Variants in PPL observed in about 807,000 individuals in gnomAD.
PPL encodes the protein 190 kDa paraneoplastic pemphigus antigen.
Under a neutral mutation model 194.4 loss-of-function variants are expected in PPL, and 198 were observed. The observed-to-expected ratio is 1.02, with a 90% CI of 0.91 to 1.15. The LOEUF (loss-of-function observed/expected upper bound fraction) is 1.15, where lower values mean the gene tolerates loss of function less well. PPL is among the 50% of genes most tolerant of loss of function. The pLI is 0.00. For missense variants in PPL, 2,885 were observed against 2,294.8 expected (o/e 1.26, Z -5.25); for synonymous variants, 1,220 against 972.4 (o/e 1.25, Z -4.74).
At chr16:4,914,051 T>C (rs1190786940) in intron 1 of PPL, among the ~76,000 whole-genome samples, 1 of 152,178 alleles carries the variant, frequency 6.6e-6, no homozygotes, top group African/African-American at 2.4e-5. Context: ...ACTGAAGGCT[T>C]CCTGGAGGAG....
At chr16:4,908,555 T>C (rs1262237204) in intron 2 of PPL, among the ~76,000 whole-genome samples, 3 of 152,124 alleles carry the variant, frequency 2.0e-5, no homozygotes, top group African/African-American at 7.2e-5. Context: ...ATTGATTGAT[T>C]GAGGCAGGGT....
At position 4,900,852 on chromosome 16, in the gene PPL, C is replaced by A; in HGVS notation, c.584G>T (p.Arg195Leu). The A allele has an allele frequency of 6.2e-7, 1 of 1,614,122 alleles. No individual in the cohort carries two copies. Among genetic ancestry groups the A allele is most frequent in the African/African-American group, 1.3e-5 (1 of 75,046 alleles). ...DGDKEQNSEL[R>L]AKYQKLLAAS... ...CACCAGCAGTTTCTGGTACTTGGCC[C>A]GGAGTTCGCTGTTCTGCTCCTGAGG... Residue 195 changes from arginine to leucine, a missense_variant, in exon 6 of 22, where the codon CGG (arginine) becomes CTG (leucine). Coordinates refer to ENST00000345988, the MANE Select transcript of PPL (RefSeq NM_002705.5).
At chr16:4,893,030 A>T (rs540033342) in intron 14 of PPL, 183 bp downstream of exon 14, 4 of 676,158 alleles carry the variant, frequency 5.9e-6, no homozygotes, top group Non-Finnish European at 9.1e-6. Flanking sequence ...TCTCCTGGGG[A>T]GGTAATGACA....
At chr16:4,887,621 C>G (rs2088239953) in intron 20 of PPL, among the ~76,000 whole-genome samples, 1 of 152,176 alleles carries the variant, frequency 6.6e-6, no homozygotes, top group Non-Finnish European at 1.5e-5. Flanking sequence ...ATTTTTATTT[C>G]TTAAAGACAG....
rs139182465 is a variant in PPL at position 4,891,832 on chromosome 16, G to A, written c.1947C>T (p.Asp649=). ...TCACCGCCAGCTCCTGCCCCTTGCT[G>A]TCCAGGACACGGCTGCTCTCAGGCA... ...DTVPESSRVL[D]SKGQELAAMA... is the part of the protein sequence containing the mutation. Residue 649 remains aspartate (D), a synonymous_variant, in exon 16 of 22, where the codon GAC becomes GAT. Coordinates refer to ENST00000345988, the MANE Select transcript of PPL (RefSeq NM_002705.5). The A allele has an allele frequency of 3.2e-5, 51 of 1,612,694 alleles. No individual in the cohort carries two copies. The highest frequency in any genetic ancestry group is 3.7e-5 in the Non-Finnish European group (44 of 1,179,696).
At chr16:4,935,554 T>C (rs1052639946) in intron 1 of PPL, among the ~76,000 whole-genome samples, 11 of 151,940 alleles carry the variant, frequency 7.2e-5, no homozygotes, top group African/African-American at 2.7e-4. Context: ...CCCTGCCCAG[T>C]CTCTGGGGTT....
intron 1 of PPL, among the ~76,000 whole-genome samples, chr16:4,928,795 G>A (rs1274949206): frequency 6.6e-6 from 1 of 152,110 alleles, no homozygotes; most frequent in Non-Finnish European, 1.5e-5. Context: ...TGGATCACCT[G>A]AGGTCAGGTG....
At chr16:4,910,754 C>T in intron 2 of PPL, 96 bp downstream of exon 2, 1 of 1,114,936 alleles carries the variant, frequency 9.0e-7, no homozygotes, top group Non-Finnish European at 1.4e-6. Context: ...CCACAATCAC[C>T]CCTGGGTGAG....
chr16:4,884,941 G>GTACT lies in PPL; in HGVS notation c.3710_3713dup (p.Tyr1238Ter). The GTACT allele has an allele frequency of 6.2e-7, 1 of 1,614,114 alleles. No homozygotes were observed. Among genetic ancestry groups the GTACT allele is most frequent in the Non-Finnish European group, 8.5e-7 (1 of 1,180,028 alleles). On this transcript the variant is annotated stop_gained and frameshift_variant, in exon 22 of 22. Coordinates refer to ENST00000345988, the MANE Select transcript of PPL (RefSeq NM_002705.5). LOFTEE classifies it high-confidence loss of function. This position sits in a 1 kb window ranked among gnomAD's most constrained non-coding sequence, Gnocchi z 5.7. Reference sequence around the variant, plus strand: ...CCTTCTCCATCTCAGGGTCAGTCTTGTACTTAATGACTTCCTTAGTCACCT... The same window carrying GTACT: ...CCTTCTCCATCTCAGGGTCAGTCTTGTACTTACTTAATGACTTCCTTAGTCACCT...
At chr16:4,909,369 C>T (rs1467677268) in intron 2 of PPL, among the ~76,000 whole-genome samples, 1 of 151,574 alleles carries the variant, frequency 6.6e-6, no homozygotes, top group Non-Finnish European at 1.5e-5. Context: ...GCCGGGTAGA[C>T]CTTGACCTCC....
chr16:4,934,913 C>T (rs1413672277), intron 1 of PPL, among the ~76,000 whole-genome samples: 1 of 152,156 alleles, frequency 6.6e-6, no homozygotes, highest in African/African-American at 2.4e-5. Context: ...TGGAGACCAC[C>T]CGGGGAGGCA....
intron 1 of PPL, among the ~76,000 whole-genome samples, chr16:4,923,228 T>C (rs913589658): frequency 6.6e-6 from 1 of 152,204 alleles, no homozygotes; most frequent in Non-Finnish European, 1.5e-5. Flanking sequence ...GGAACGCGTC[T>C]CCTGCGCATC....
chr16:4,895,568 A>G (rs1399473736), intron 10 of PPL, 26 bp downstream of exon 10: 2 of 1,613,504 alleles, frequency 1.2e-6, no homozygotes, highest in Admixed American at 3.3e-5. Context: ...CCCCCGGGCC[A>G]GCAGGGGTCC....
Position 4,884,539 on chromosome 16 carries a change from G to GGC in PPL, c.4114_4115dup (p.Glu1373ProfsTer35). 1 of 1,613,032 alleles carries GGC rather than the reference G, an allele frequency of 6.2e-7. No individual in the cohort carries two copies. Among genetic ancestry groups the GGC allele is most frequent in the Non-Finnish European group, 8.5e-7 (1 of 1,179,834 alleles). On this transcript the variant is annotated frameshift_variant, in exon 22 of 22. Coordinates refer to ENST00000345988, the MANE Select transcript of PPL (RefSeq NM_002705.5). LOFTEE classifies it high-confidence loss of function. This position sits in a 1 kb window ranked among gnomAD's most constrained non-coding sequence, Gnocchi z 5.7. ...GCCGCAGCTCCACATCGATGCTCTC[G>GGC]GCAAAGGCGCTCGCCTCGGCCCGCA...
rs749920822 is a variant in PPL at position 4,895,743 on chromosome 16, G to C, written c.973-27C>G. 6 of 1,613,468 alleles carry C rather than the reference G, an allele frequency of 3.7e-6. No homozygotes were observed. In the Admixed American group the frequency reaches 8.3e-5, roughly 22 times the overall value. On this transcript the variant is annotated intron_variant, in intron 9 of 21. Transcript: ENST00000345988. Reference sequence around the variant, plus strand: ...TAGGGGAGAAGGTGGCTCTGTTACAGCCAGGAAACCACTAGAAGCACCTGG... The same window carrying C: ...TAGGGGAGAAGGTGGCTCTGTTACACCCAGGAAACCACTAGAAGCACCTGG...
chr16:4,895,160 A>G, intron 11 of PPL, 101 bp downstream of exon 11: 2 of 1,382,840 alleles, frequency 1.4e-6, no homozygotes, highest in Non-Finnish European at 1.9e-6. Flanking sequence ...AACCACGGAG[A>G]CAGGCACAGG....
intron 14 of PPL, among the ~76,000 whole-genome samples, chr16:4,892,498 T>G (rs534806429): frequency 7.2e-5 from 11 of 152,254 alleles, no homozygotes; most frequent in Non-Finnish European, 1.3e-4. Context: ...GACGCTTCTG[T>G]TTAATCTTTG....
Position 4,937,121 on chromosome 16 carries a change from G to A in PPL, c.-76C>T, listed in dbSNP as rs1596597324. 2.3e-5 allele frequency: 23 copies of A among 1,014,004 alleles called. No individual in the cohort carries two copies. In the East Asian group the frequency reaches 1.6e-3, roughly 70 times the overall value. 62.8% of individuals were successfully genotyped at this position (1,014,004 alleles called of 1,614,324 possible). A position where few individuals can be genotyped will look rare whatever the true frequency, so the allele number is the denominator to read the frequency against. ...GAGGGGCGGGCGGGAGCGCAGGTGA[G>A]CGAGCGGCGGCGCGGGGAGCCCGGA... is the stretch of plus-strand genomic sequence containing the variant. On this transcript the variant is annotated 5_prime_UTR_variant, in exon 1 of 22. Transcript: ENST00000345988.
chr16:4,885,066 C>G lies in PPL; in HGVS notation c.3589G>C (p.Glu1197Gln), dbSNP rs376074218. 14 of 1,613,602 alleles carry G rather than the reference C, an allele frequency of 8.7e-6. No individual in the cohort carries two copies. Among genetic ancestry groups the G allele is most frequent in the Non-Finnish European group, 1.1e-5 (13 of 1,180,036 alleles). ...EVANLRLELVEQERKYRGAEE... is the reference protein window; with the variant it reads ...EVANLRLELVQQERKYRGAEE... ...GCACCCCGGTACTTTCGCTCCTGCT[C>G]CACAAGCTCCAGGCGGAGGTTCGCC... Residue 1197 changes from glutamate (E) to glutamine (Q), a missense_variant, in exon 22 of 22, where the codon GAG (glutamate) becomes CAG (glutamine). By Grantham distance (29) the Glu-to-Gln change is conservative (BLOSUM62 2). Coordinates refer to ENST00000345988, the MANE Select transcript of PPL (RefSeq NM_002705.5). The surrounding 1 kb of genome is among the most constrained non-coding windows in gnomAD (Gnocchi z 6.3).
Sources: allele counts gnomAD v4.1 joint callset (sites outside exome capture counted in the v4.1 genomes callset), GRCh38; gene constraint gnomAD v4.1.1; non-coding constraint Gnocchi (gnomAD v3.1); transcripts MANE v1.5; gene names NCBI Gene and HGNC (gene_info 2026-07-23, HGNC 2026-07-21).